Variants in AKAP6 observed in about 807,000 individuals in gnomAD.
AKAP6 encodes A-kinase anchoring protein 6.
Under a neutral mutation model 188.5 loss-of-function variants are expected in AKAP6, and 58 were observed. The ratio of observed to expected loss-of-function variants is 0.31; its 90% CI spans 0.25 to 0.38. The LOEUF is 0.38. Ranked by LOEUF, AKAP6 falls within the 10% of genes least tolerant of loss-of-function variation. The pLI is 1.00. For synonymous variants in AKAP6, 989 were observed against 998.6 expected (o/e 0.99, Z 0.18); for missense variants, 2,710 against 2,740.0 (o/e 0.99, Z 0.24).
At chr14:32,489,470 A>C (rs964393356) in intron 2 of AKAP6, among the ~76,000 whole-genome samples, 8 of 152,180 alleles carry the variant, frequency 5.3e-5, no homozygotes, top group African/African-American at 1.9e-4. Context: ...CAGTCTCTCA[A>C]AGTGCTGGGA....
At chr14:32,672,247 A>G (rs1220217765) in intron 7 of AKAP6, among the ~76,000 whole-genome samples, 2 of 152,234 alleles carry the variant, frequency 1.3e-5, no homozygotes, top group African/African-American at 4.8e-5. Flanking sequence ...CATACAAAAT[A>G]AAGGGGGGAA....
chr14:32,491,747 A>G (rs981119911), intron 2 of AKAP6, among the ~76,000 whole-genome samples: 11 of 152,310 alleles, frequency 7.2e-5, no homozygotes, highest in Middle Eastern at 3.4e-3. Flanking sequence ...TTAAAAATTA[A>G]TCTTATGTTT....
rs772048866 is a variant in AKAP6 at position 32,822,587 on chromosome 14, C to T, written c.4774C>T (p.Arg1592Ter). 5 of 1,613,782 alleles carry T rather than the reference C, an allele frequency of 3.1e-6. No homozygotes were observed. Among genetic ancestry groups the T allele is most frequent in the African/African-American group, 1.3e-5 (1 of 74,888 alleles). Residue 1592 changes from arginine to a stop codon, truncating the protein, a stop_gained, in exon 13 of 14, where the codon CGA becomes TGA. Transcript: ENST00000280979. LOFTEE classifies it high-confidence loss of function. ...IFKNGSDSLQ[R>*]STSLESWLTS... is the part of the protein sequence containing the mutation. ...TAAAAATGGCAGTGACAGCCTCCAGCGAAGCACTTCTTTAGAAAGTTGGTT... is the reference window on the plus strand; with the variant it reads ...TAAAAATGGCAGTGACAGCCTCCAGTGAAGCACTTCTTTAGAAAGTTGGTT...
At chr14:32,510,427 TATATATATGTGTATATATATATAC>T (rs869293218) in intron 2 of AKAP6, among the ~76,000 whole-genome samples, 11 of 80,740 alleles carry the variant, frequency 1.4e-4, no homozygotes, top group Admixed American at 2.8e-4. Flanking sequence ...TATATATACA[TATATATATGTGTATATATATATAC>T]ATATATATGT....
At chr14:32,353,947 C>G (rs572461729) in intron 1 of AKAP6, among the ~76,000 whole-genome samples, 1 of 151,984 alleles carries the variant, frequency 6.6e-6, no homozygotes, top group East Asian at 1.9e-4. Context: ...CACTGCTCAC[C>G]GAAATAAAAA....
chr14:32,463,551 A>G (rs1463255954), intron 2 of AKAP6, among the ~76,000 whole-genome samples: 1 of 152,208 alleles, frequency 6.6e-6, no homozygotes. Flanking sequence ...TTTGAAACCA[A>G]TGAGAACAAA....
At chr14:32,740,761 T>C (rs2031634886) in intron 11 of AKAP6, among the ~76,000 whole-genome samples, 1 of 152,088 alleles carries the variant, frequency 6.6e-6, no homozygotes, top group Non-Finnish European at 1.5e-5. Context: ...ACCATGCTAT[T>C]TGGTTAACTA....
chr14:32,356,309 A>G (rs1304030692), intron 1 of AKAP6, among the ~76,000 whole-genome samples: 1 of 152,112 alleles, frequency 6.6e-6, no homozygotes, highest in Non-Finnish European at 1.5e-5. Context: ...GCTTGCTCCT[A>G]CTATCCATGT....
At chr14:32,627,380 A>G (rs1887067241) in intron 7 of AKAP6, among the ~76,000 whole-genome samples, 1 of 152,108 alleles carries the variant, frequency 6.6e-6, no homozygotes, top group African/African-American at 2.4e-5. Context: ...ATTAATCAAT[A>G]TATGGTATTA....
chr14:32,492,984 C>T (rs1326416854), intron 2 of AKAP6, among the ~76,000 whole-genome samples: 2 of 152,170 alleles, frequency 1.3e-5, no homozygotes, highest in African/African-American at 4.8e-5. Context: ...TGGGATGTGT[C>T]TTGCCTTTCT....
chr14:32,701,758 T>C (rs1890629412), intron 9 of AKAP6, among the ~76,000 whole-genome samples: 1 of 152,188 alleles, frequency 6.6e-6, no homozygotes, highest in African/African-American at 2.4e-5. Context: ...AGCTCTCTTT[T>C]ATTTTGTTCT....
intron 12 of AKAP6, among the ~76,000 whole-genome samples, chr14:32,786,211 C>A (rs1280189024): frequency 6.6e-6 from 1 of 150,730 alleles, no homozygotes; most frequent in Admixed American, 6.6e-5. Flanking sequence ...CTTTCATGTT[C>A]GCTCTGAGGA....
chr14:32,394,625 T>C (rs990577698), intron 1 of AKAP6, among the ~76,000 whole-genome samples: 3 of 152,216 alleles, frequency 2.0e-5, no homozygotes, highest in Non-Finnish European at 4.4e-5. Flanking sequence ...TGCCTAAATG[T>C]ACACACACAT....
At chr14:32,702,002 G>A (rs1890638934) in intron 9 of AKAP6, among the ~76,000 whole-genome samples, 1 of 152,122 alleles carries the variant, frequency 6.6e-6, no homozygotes, top group Non-Finnish European at 1.5e-5. Context: ...GAATTTCAGT[G>A]TTGAATGTTA....
chr14:32,636,682 G>A (rs1887505396), intron 7 of AKAP6, among the ~76,000 whole-genome samples: 1 of 152,230 alleles, frequency 6.6e-6, no homozygotes, highest in East Asian at 1.9e-4. Flanking sequence ...ATAAAAATTA[G>A]TCAGGTGAAA....
intron 12 of AKAP6, among the ~76,000 whole-genome samples, chr14:32,813,385 C>G (rs1240551959): frequency 2.0e-5 from 2 of 101,838 alleles, no homozygotes; most frequent in East Asian, 1.2e-3. Context: ...TCATCTCTAA[C>G]CCTACCCCCC....
At chr14:32,564,467 A>G (rs1594747122) in intron 4 of AKAP6, among the ~76,000 whole-genome samples, 1 of 152,326 alleles carries the variant, frequency 6.6e-6, no homozygotes, top group East Asian at 1.9e-4. Flanking sequence ...GAAGATTGAG[A>G]AAGTGTATTG....
chr14:32,694,443 C>T (rs916905055), intron 8 of AKAP6, among the ~76,000 whole-genome samples: 1 of 151,946 alleles, frequency 6.6e-6, no homozygotes, highest in Non-Finnish European at 1.5e-5. Context: ...TCAAGCCCCA[C>T]CCTAGAACAG....
At chr14:32,534,118 A>C (rs1882559979) in intron 2 of AKAP6, among the ~76,000 whole-genome samples, 1 of 152,154 alleles carries the variant, frequency 6.6e-6, no homozygotes, top group Non-Finnish European at 1.5e-5. Context: ...GTACATTTTT[A>C]AATACAGATT....
Sources: gnomAD v4.1 joint callset for allele counts (sites outside exome capture counted in the v4.1 genomes callset) on GRCh38, gnomAD v4.1.1 for gene constraint, MANE v1.5 for transcripts, NCBI Gene and HGNC (gene_info 2026-07-23, HGNC 2026-07-21) for gene names.